The following USP14 variants were observed in gnomAD, a reference collection of about 807,000 sequenced individuals.
The protein encoded by USP14 is ubiquitin specific peptidase 14.
Under a neutral mutation model 76.5 loss-of-function variants are expected in USP14, and 38 were observed. That is an observed-to-expected ratio of 0.50 (90% CI 0.38 to 0.65). USP14 has a LOEUF of 0.65. Ranked by LOEUF, USP14 falls within the 30% of genes least tolerant of loss-of-function variation. The probability of loss-of-function intolerance (pLI) is 0.00; values close to 1 mark genes in which losing one functional copy is unlikely to be tolerated. For synonymous variants in USP14, 192 were observed against 191.7 expected (o/e 1.00, Z -0.01); for missense variants, 467 against 586.5 (o/e 0.80, Z 2.10).
At position 207,071 on chromosome 18, in the gene USP14, G is replaced by A. The variant is rs1294332722; in HGVS notation, c.1164+2379G>A. 8.5e-5 allele frequency among the ~76,000 whole-genome samples: 9 copies of A among 106,062 alleles called. 1 individual carries two copies. The highest frequency in any genetic ancestry group is 2.0e-4 in the East Asian group (1 of 5,104). 69.6% of individuals were successfully genotyped at this position (106,062 alleles called of 152,430 possible). A position where few individuals can be genotyped will look rare whatever the true frequency, so the allele number is the denominator to read the frequency against. On this transcript the variant is annotated intron_variant, in intron 13 of 15. Coordinates refer to ENST00000261601, the MANE Select transcript of USP14 (RefSeq NM_005151.4). Reference sequence around the variant, plus strand: ...CTCAGCACCATTTTTTAAGAAGACTGTTCTTTGCCCATCAGATGGTCTTGG... The same window carrying A: ...CTCAGCACCATTTTTTAAGAAGACTATTCTTTGCCCATCAGATGGTCTTGG...
chr18:197,694 G>GA lies in USP14; in HGVS notation c.674dup (p.Thr226AspfsTer13). 6.2e-7 allele frequency: 1 copy of GA among 1,606,990 alleles called. No individual in the cohort carries two copies. On this transcript the variant is annotated frameshift_variant and splice_region_variant, in exon 8 of 16. Coordinates refer to ENST00000261601, the MANE Select transcript of USP14 (RefSeq NM_005151.4). LOFTEE classifies it high-confidence loss of function. ...AGCAATAGAGGATGATTCTGTTAAAGAGGTAATTGAAATATATTTGTGATT... is the reference window on the plus strand; with the variant it reads ...AGCAATAGAGGATGATTCTGTTAAAGAAGGTAATTGAAATATATTTGTGATT...
intron 1 of USP14, among the ~76,000 whole-genome samples, chr18:161,992 T>C (rs1012457536): frequency 3.9e-5 from 6 of 152,240 alleles, no homozygotes; most frequent in African/African-American, 1.4e-4. Flanking sequence ...AACACCATTC[T>C]CTTTTTGTAT....
chr18:182,465 T>C (rs1426872008), intron 5 of USP14, among the ~76,000 whole-genome samples: 1 of 152,170 alleles, frequency 6.6e-6, no homozygotes, highest in Non-Finnish European at 1.5e-5. Flanking sequence ...AGAGTGACTT[T>C]AAAGGTTTTC....
In USP14 at chr18:214,102, T is replaced by C. The variant is rs937087927; in HGVS notation, c.*2818T>C. 2.0e-5 allele frequency: 3 copies of C among 148,080 alleles called. No individual in the cohort carries two copies. The highest frequency in any genetic ancestry group is 4.6e-5 in the Non-Finnish European group (3 of 65,556). The allele number at this position is 148,080 out of a possible 1,614,324, so 9.2% of individuals were successfully genotyped here. A position where few individuals can be genotyped will look rare whatever the true frequency, so the allele number is the denominator to read the frequency against. On this transcript the variant is annotated 3_prime_UTR_variant, in exon 16 of 16. Transcript: ENST00000261601. ...TGTTGTTATAGTGTAGCTGGAGCCA[T>C]AGACAGTTAGTTAGTTAGTTATGAG... is the stretch of plus-strand genomic sequence containing the variant.
chr18:175,078 G>A (rs1909591347), intron 3 of USP14, among the ~76,000 whole-genome samples: 2 of 152,034 alleles, frequency 1.3e-5, no homozygotes, highest in Non-Finnish European at 2.9e-5. Context: ...CAGCTGTGGT[G>A]TTTTTGAAAT....
At position 192,868 on chromosome 18, in the gene USP14, G is replaced by A; in HGVS notation, c.431G>A (p.Gly144Glu). 8.1e-6 allele frequency: 13 copies of A among 1,613,708 alleles called. No individual in the cohort carries two copies. The highest frequency in any genetic ancestry group is 1.1e-5 in the Non-Finnish European group (13 of 1,179,816). ...KRYAGALRAS[G>E]EMASAQYITA... ...TATGCAGGTGCCTTGAGAGCTTCAGGGGAAATGGCTTCAGCGCAGTATATT... is the reference window on the plus strand; with the variant it reads ...TATGCAGGTGCCTTGAGAGCTTCAGAGGAAATGGCTTCAGCGCAGTATATT... The change falls in exon 6 of 16, where the codon GGG becomes GAG. Residue 144 changes from glycine (G) to glutamate (E), a missense_variant. Gly to Glu is a moderately conservative substitution (Grantham distance 98, BLOSUM62 -2). Transcript: ENST00000261601.
At chr18:202,790 A>G in intron 10 of USP14, 90 bp from the exon 11 acceptor site, 1 of 1,267,572 alleles carries the variant, frequency 7.9e-7, no homozygotes, top group Non-Finnish European at 1.1e-6. Flanking sequence ...AGGTAGTGCT[A>G]GTTTTTAAAA....
chr18:209,905 C>A, intron 13 of USP14, 66 bp from the exon 14 acceptor site: 1 of 1,265,654 alleles, frequency 7.9e-7, no homozygotes, highest in Non-Finnish European at 1.1e-6. Flanking sequence ...AAATTGAACA[C>A]TTACAGAGAA....
rs1910628319 is a variant in USP14, at chr18:210,014, C to G, written c.1208C>G (p.Pro403Arg). ...CCCCAGAAAGAAGTTAAGTATGAAC[C>G]CTTTTCTTTTGCTGATGGTAAGTAA... ...SSPQKEVKYE[P>R]FSFADDIGSN... Residue 403 changes from proline to arginine, a missense_variant, in exon 14 of 16, where the codon CCC (proline) becomes CGC (arginine). Coordinates refer to ENST00000261601, the MANE Select transcript of USP14 (RefSeq NM_005151.4). The G allele has an allele frequency of 1.9e-6, 3 of 1,603,200 alleles. No homozygotes were observed. Among genetic ancestry groups the G allele is most frequent in the Non-Finnish European group, 2.6e-6 (3 of 1,175,772 alleles).
At chr18:203,972 G>T (rs538331012) in intron 12 of USP14, among the ~76,000 whole-genome samples, 3 of 152,170 alleles carry the variant, frequency 2.0e-5, no homozygotes, top group African/African-American at 7.2e-5. Flanking sequence ...GACTGTTTTT[G>T]TTGAGTTGTA....
intron 3 of USP14, among the ~76,000 whole-genome samples, chr18:176,923 TCTTTTTC>T (rs1909643887): frequency 6.6e-6 from 1 of 151,708 alleles, no homozygotes; most frequent in African/African-American, 2.4e-5. Flanking sequence ...TAGTCTCTAT[TCTTTTTC>T]AGAAATTTCT....
Position 207,224 on chromosome 18 carries a change from TAA to T in USP14, c.1164+2533_1164+2534del, listed in dbSNP as rs1910555098. On this transcript the variant is annotated intron_variant, in intron 13 of 15. Transcript: ENST00000261601. ...GACTGACTTGATTACTGTAGTTTTC[TAA>T]TAAGGCTTGAAATTGTGAAGTATCA... Among the ~76,000 whole-genome samples, 3 of 144,948 alleles carry T rather than the reference TAA, an allele frequency of 2.1e-5. 1 individual carries two copies. The highest frequency in any genetic ancestry group is 2.1e-4 in the Admixed American group (3 of 14,578).
At position 180,287 on chromosome 18, in the gene USP14, G is replaced by A; in HGVS notation, c.352G>A (p.Ala118Thr). 6.3e-7 allele frequency: 1 copy of A among 1,578,968 alleles called. No individual in the cohort carries two copies. Among genetic ancestry groups the A allele is most frequent in the Non-Finnish European group, 8.5e-7 (1 of 1,170,328 alleles). ...TNLGNTCYMN[A>T]TVQCIRSVPE... is the part of the protein sequence containing the mutation. ...CCTTGGTAACACTTGTTACATGAAT[G>A]CCACAGTTCAGTGTATTCGTTCTGT... Residue 118 changes from alanine (A) to threonine (T), a missense_variant, in exon 5 of 16, where the codon GCC becomes ACC. Ala to Thr is a moderately conservative substitution (Grantham distance 58, BLOSUM62 0). Coordinates refer to ENST00000261601, the MANE Select transcript of USP14 (RefSeq NM_005151.4).
chr18:178,038 G>A (rs948494410), intron 3 of USP14, among the ~76,000 whole-genome samples: 1 of 151,842 alleles, frequency 6.6e-6, no homozygotes, highest in African/African-American at 2.4e-5. Context: ...TATATTTTTT[G>A]AGACGGGGTC....
intron 5 of USP14, among the ~76,000 whole-genome samples, chr18:185,763 C>T (rs1186987279): frequency 6.6e-6 from 1 of 151,940 alleles, no homozygotes; most frequent in Non-Finnish European, 1.5e-5. Context: ...GGCACGATCA[C>T]AGATCACTGC....
At chr18:171,025 A>AAATATATATATATATATATAT (rs1327304974) in intron 3 of USP14, among the ~76,000 whole-genome samples, 23 of 47,636 alleles carry the variant, frequency 4.8e-4, no homozygotes, top group Non-Finnish European at 5.6e-4. Context: ...AAAAAAAAAA[A>AAATATATATATATATATATAT]ATATATATAT....
chr18:188,564 A>T (rs1443124313), intron 5 of USP14, among the ~76,000 whole-genome samples: 1 of 114,002 alleles, frequency 8.8e-6, no homozygotes, highest in Non-Finnish European at 1.8e-5. Flanking sequence ...TGCTAGCTCT[A>T]TGTCTATCTT....
chr18:191,586 C>G (rs187744346), intron 5 of USP14, among the ~76,000 whole-genome samples: 12 of 152,194 alleles, frequency 7.9e-5, no homozygotes, highest in Admixed American at 6.5e-4. Context: ...AATCCTTATC[C>G]TCTCCACCCC....
At chr18:203,765 G>A (rs559802801) in intron 12 of USP14, among the ~76,000 whole-genome samples, 31 of 151,952 alleles carry the variant, frequency 2.0e-4, no homozygotes, top group Admixed American at 4.6e-4. Context: ...GCCCGCCACC[G>A]TGCCCGGCTA....
Sources: gnomAD v4.1 joint callset for allele counts (sites outside exome capture counted in the v4.1 genomes callset) on GRCh38, gnomAD v4.1.1 for gene constraint, MANE v1.5 for transcripts, NCBI Gene and HGNC (gene_info 2026-07-23, HGNC 2026-07-21) for gene names.